NWD2: variants seen among roughly 807,000 people sequenced by gnomAD.
The protein encoded by NWD2 is NACHT and WD repeat domain containing 2.
NWD2 carries 37 observed loss-of-function variants against 132.7 expected under a neutral mutation model. The observed-to-expected ratio is 0.28, with a 90% confidence interval of 0.21 to 0.37. The LOEUF is 0.37. Among genes scored for constraint, NWD2 ranks in the 10% least tolerant of loss-of-function variants. The probability of loss-of-function intolerance (pLI) is 1.00; values close to 1 mark genes in which losing one functional copy is unlikely to be tolerated. For missense variants in NWD2, 1,592 were observed against 2,122.4 expected (o/e 0.75, Z 4.91); for synonymous variants, 705 against 803.0 (o/e 0.88, Z 2.06).
In NWD2 at chr4:37,445,701, T is replaced by A. The variant is rs1712616923; in HGVS notation, c.3713T>A (p.Val1238Glu). 6.4e-7 allele frequency: 1 copy of A among 1,551,862 alleles called. No homozygotes were observed. Among genetic ancestry groups the A allele is most frequent in the Non-Finnish European group, 8.7e-7 (1 of 1,147,066 alleles). Reference protein sequence around the residue: ...AKHNERFISAVLSKNGDCIIA... With the variant: ...AKHNERFISAELSKNGDCIIA... ...CACAACGAACGCTTTATATCTGCCGTGCTGTCTAAAAATGGAGATTGTATC... is the reference window on the plus strand; with the variant it reads ...CACAACGAACGCTTTATATCTGCCGAGCTGTCTAAAAATGGAGATTGTATC... Residue 1238 changes from valine (V) to glutamate (E), a missense_variant, in exon 7 of 7, where the codon GTG (valine) becomes GAG (glutamate). Physicochemically the swap from Val to Glu is moderately radical, Grantham distance 121. Coordinates refer to ENST00000309447, the MANE Select transcript of NWD2 (RefSeq NM_001144990.2). This position sits in a 1 kb window ranked among gnomAD's most constrained non-coding sequence, Gnocchi z 4.7.
chr4:37,258,878 A>G (rs946107728), intron 1 of NWD2, among the ~76,000 whole-genome samples: 4 of 152,200 alleles, frequency 2.6e-5, no homozygotes, highest in South Asian at 2.1e-4. Flanking sequence ...AGTCTTAACT[A>G]TGTCAAGGGA....
intron 5 of NWD2, among the ~76,000 whole-genome samples, chr4:37,436,718 T>C (rs1478949152): frequency 6.6e-6 from 1 of 152,144 alleles, no homozygotes; most frequent in Non-Finnish European, 1.5e-5. Flanking sequence ...AAGCTGTTAA[T>C]CCAACCTGCT....
intron 1 of NWD2, among the ~76,000 whole-genome samples, chr4:37,310,211 A>G (rs1406440956): frequency 6.6e-6 from 1 of 152,344 alleles, no homozygotes; most frequent in Non-Finnish European, 1.5e-5. Context: ...TTATTTTCCA[A>G]GATTTCTGCT....
At chr4:37,360,907 G>T (rs995629229) in intron 3 of NWD2, among the ~76,000 whole-genome samples, 1 of 152,138 alleles carries the variant, frequency 6.6e-6, no homozygotes, top group African/African-American at 2.4e-5. Context: ...CCTGGACCCT[G>T]AATACAGGCC....
chr4:37,276,935 GAGAA>G (rs1718029925), intron 1 of NWD2, among the ~76,000 whole-genome samples: 1 of 151,880 alleles, frequency 6.6e-6, no homozygotes, highest in Non-Finnish European at 1.5e-5. Flanking sequence ...ATTGAACAAT[GAGAA>G]CACATGGACA....
intron 1 of NWD2, among the ~76,000 whole-genome samples, chr4:37,275,607 C>A (rs939781742): frequency 6.6e-6 from 1 of 152,042 alleles, no homozygotes; most frequent in East Asian, 1.9e-4. Flanking sequence ...AAAAAAGAGC[C>A]CACATCGCCA....
chr4:37,274,854 A>G (rs1052031885), intron 1 of NWD2, among the ~76,000 whole-genome samples: 6 of 150,994 alleles, frequency 4.0e-5, no homozygotes, highest in African/African-American at 1.5e-4. Flanking sequence ...CAATAGATGC[A>G]GAAAAGGCCT....
chr4:37,386,873 C>T (rs1487325004), intron 3 of NWD2, among the ~76,000 whole-genome samples: 1 of 149,432 alleles, frequency 6.7e-6, no homozygotes, highest in African/African-American at 2.6e-5. Flanking sequence ...CTCGGTCCCT[C>T]TCTTTCCGTG....
chr4:37,308,258 GA>G (rs1360907347), intron 1 of NWD2, among the ~76,000 whole-genome samples: 1 of 152,088 alleles, frequency 6.6e-6, no homozygotes, highest in Non-Finnish European at 1.5e-5. Flanking sequence ...CTTTCATGGG[GA>G]AAGACTTTTT....
rs116729657 is a variant in NWD2, at chr4:37,346,923, T to C, written c.241-9443T>C. Among the ~76,000 whole-genome samples the C allele has an allele frequency of 9.5e-3, 1,451 of 152,238 alleles. 13 individuals are homozygous for C. The highest frequency in any genetic ancestry group is 0.033 in the African/African-American group (1,370 of 41,570). On this transcript the variant is annotated intron_variant, in intron 2 of 6. Coordinates refer to ENST00000309447, the MANE Select transcript of NWD2 (RefSeq NM_001144990.2). ...ATATTGATCTTGCACCCTACAACCTTACCCAATTCATTGATTAGTTCATTT... is the reference window on the plus strand; with the variant it reads ...ATATTGATCTTGCACCCTACAACCTCACCCAATTCATTGATTAGTTCATTT...
intron 1 of NWD2, among the ~76,000 whole-genome samples, chr4:37,274,128 C>T (rs1717937079): frequency 6.6e-6 from 1 of 151,938 alleles, no homozygotes; most frequent in Non-Finnish European, 1.5e-5. Context: ...TTCAAAAAAT[C>T]AATGAATCCA....
At chr4:37,421,326 CG>C (rs550969981) in intron 3 of NWD2, among the ~76,000 whole-genome samples, 299 of 152,316 alleles carry the variant, frequency 2.0e-3, no homozygotes, top group African/African-American at 7.0e-3. Flanking sequence ...GAGCAAACTC[CG>C]GAATGGCTCC....
At chr4:37,374,312 A>G (rs1309028691) in intron 3 of NWD2, among the ~76,000 whole-genome samples, 1 of 152,174 alleles carries the variant, frequency 6.6e-6, no homozygotes, top group African/African-American at 2.4e-5. Context: ...CCTGACCAGA[A>G]GCAGATGCTG....
intron 1 of NWD2, among the ~76,000 whole-genome samples, chr4:37,276,200 T>A (rs1203211004): frequency 6.6e-6 from 1 of 152,122 alleles, no homozygotes; most frequent in Non-Finnish European, 1.5e-5. Context: ...AATCTACTCA[T>A]CTGACAGAGG....
chr4:37,247,840 C>A (rs781701800), intron 1 of NWD2, among the ~76,000 whole-genome samples: 1 of 152,136 alleles, frequency 6.6e-6, no homozygotes, highest in East Asian at 1.9e-4. Flanking sequence ...AAACTCCTGA[C>A]CTCAGGTGAT....
Position 37,439,222 on chromosome 4 carries a change from TTCA to T in NWD2, c.1133_1135del (p.Ser378del), listed in dbSNP as rs1407399679. ...CACTCTATGATGAAATCCTTCAACA[TTCA>T]TCATTATGTAAAACATACGCCTCCT... On this transcript the variant is annotated inframe_deletion, in exon 6 of 7. Coordinates refer to ENST00000309447, the MANE Select transcript of NWD2 (RefSeq NM_001144990.2). This position sits in a 1 kb window ranked among gnomAD's most constrained non-coding sequence, Gnocchi z 4.5. 1 of 1,551,068 alleles carries T rather than the reference TTCA, an allele frequency of 6.4e-7. No homozygotes were observed. Among genetic ancestry groups the T allele is most frequent in the African/African-American group, 1.4e-5 (1 of 73,164 alleles).
intron 3 of NWD2, among the ~76,000 whole-genome samples, chr4:37,412,878 G>A (rs1224324783): frequency 1.3e-5 from 2 of 152,152 alleles, no homozygotes; most frequent in African/African-American, 2.4e-5. Flanking sequence ...CAAGCAATGG[G>A]GAAAACATTC....
chr4:37,252,573 T>A (rs1717399411), intron 1 of NWD2, among the ~76,000 whole-genome samples: 1 of 152,232 alleles, frequency 6.6e-6, no homozygotes, highest in Non-Finnish European at 1.5e-5. Context: ...AAGGCTTGGC[T>A]GGGTGGCTCT....
intron 2 of NWD2, among the ~76,000 whole-genome samples, chr4:37,342,140 G>A (rs1284685399): frequency 6.6e-6 from 1 of 152,156 alleles, no homozygotes; most frequent in East Asian, 1.9e-4. Context: ...CTGGTGGGAG[G>A]TGTTTGGGTC....
Sources: gnomAD v4.1 joint callset for allele counts (sites outside exome capture counted in the v4.1 genomes callset) on GRCh38, gnomAD v4.1.1 for gene constraint, Gnocchi (gnomAD v3.1) non-coding constraint, MANE v1.5 for transcripts, NCBI Gene and HGNC (gene_info 2026-07-23, HGNC 2026-07-21) for gene names.